The following C5 variants were observed in gnomAD, a reference collection of about 807,000 sequenced individuals.
C5 encodes the protein complement C5.
In C5, 140 loss-of-function variants were observed where a neutral mutation model predicts 218.8. That is an observed-to-expected ratio of 0.64 (90% CI 0.56 to 0.74). C5 has a LOEUF of 0.74. Among genes scored for constraint, C5 ranks in the 30% least tolerant of loss-of-function variants. The pLI is 0.00. For synonymous variants in C5, 614 were observed against 682.3 expected, an observed-to-expected ratio of 0.90 and a Z score of 1.56; for missense variants, 1,700 against 1,969.6, an observed-to-expected ratio of 0.86 and a Z score of 2.59.
chr9:121,040,767 A>G (rs1236617600), intron 3 of C5, among the ~76,000 whole-genome samples: 1 of 152,162 alleles, frequency 6.6e-6, no homozygotes, highest in East Asian at 1.9e-4. Context: ...TGATTCACAC[A>G]GGGTCATACA....
intron 8 of C5, 161 bp from the exon 9 acceptor site, chr9:121,025,741 G>C (rs2047416425): frequency 1.6e-6 from 1 of 620,206 alleles, no homozygotes; most frequent in Non-Finnish European, 2.8e-6. Context: ...TTAAGCCCAG[G>C]ATGTTATTTT....
At chr9:121,022,188 A>C (rs577383846) in intron 10 of C5, among the ~76,000 whole-genome samples, 24 of 152,268 alleles carry the variant, frequency 1.6e-4, no homozygotes, top group African/African-American at 5.3e-4. Context: ...TGATTGGTTT[A>C]GGACTGGATA....
At chr9:121,025,433 C>CACACACAA (rs1186119134) in intron 9 of C5, 21 bp downstream of exon 9, 1 of 1,598,422 alleles carries the variant, frequency 6.3e-7, no homozygotes. Context: ...CACACACACA[C>CACACACAA]ACACACACAC....
intron 29 of C5, among the ~76,000 whole-genome samples, chr9:120,975,312 G>A (rs1451236218): frequency 1.3e-5 from 2 of 152,118 alleles, no homozygotes. Flanking sequence ...GTTATTCTCT[G>A]TTTTAAGGTT....
chr9:121,025,888 G>A lies in C5; in HGVS notation c.874-308C>T, dbSNP rs577120099. On this transcript the variant is annotated intron_variant, in intron 8 of 40. Transcript: ENST00000223642. Reference sequence around the variant, plus strand: ...CATTCATCTTTATAGGCCTCTCAGCGTACTTCCGCCCTTAACTGAGAGTTT... The same window carrying A: ...CATTCATCTTTATAGGCCTCTCAGCATACTTCCGCCCTTAACTGAGAGTTT... 1.2e-3 allele frequency: 330 copies of A among 268,064 alleles called. 5 individuals carry two copies. Among genetic ancestry groups the A allele is most frequent in the Non-Finnish European group, 6.4e-4 (88 of 137,508 alleles). The allele number at this position is 268,064 out of a possible 1,614,324, so 16.6% of individuals were successfully genotyped here.
At chr9:121,037,488 AT>A (rs1369551886) in intron 4 of C5, among the ~76,000 whole-genome samples, 2 of 151,332 alleles carry the variant, frequency 1.3e-5, no homozygotes, top group African/African-American at 4.9e-5. Context: ...AATTTTTTGT[AT>A]TTTAGTAGAG....
Position 121,006,032 on chromosome 9 carries a change from C to T in C5, c.2449G>A (p.Ala817Thr), listed in dbSNP as rs1330198240. Residue 817 changes from alanine to threonine, a missense_variant, in exon 20 of 41, where the codon GCA (alanine) becomes ACA (threonine). Transcript: ENST00000223642. Reference sequence around the variant, plus strand: ...AGGAAGACATCTTTGAACACCTTTGCCTTGACAGTATCAGCAACACATATA... The same window carrying T: ...AGGAAGACATCTTTGAACACCTTTGTCTTGACAGTATCAGCAACACATATA... Reference protein sequence around the residue: ...TGICVADTVKAKVFKDVFLEM... With the variant: ...TGICVADTVKTKVFKDVFLEM... The T allele has an allele frequency of 1.2e-6, 2 of 1,613,610 alleles. No homozygotes were observed. The highest frequency in any genetic ancestry group is 1.3e-5 in the African/African-American group (1 of 74,892).
chr9:120,963,720 T>G lies in C5; in HGVS notation c.4239A>C (p.Glu1413Asp). 1.2e-6 allele frequency: 2 copies of G among 1,613,088 alleles called. No individual in the cohort carries two copies. The highest frequency in any genetic ancestry group is 1.7e-6 in the Non-Finnish European group (2 of 1,179,110). Residue 1413 changes from glutamate (E) to aspartate (D), a missense_variant, in exon 34 of 41, where the codon GAA becomes GAC. Transcript: ENST00000223642. ...CATGAGAGGATCCAGATGATGATTC[T>G]TCCCTGCTGGGCTTGTAGCTAAAAT... ...VACASYKPSR[E>D]ESSSGSSHAV...
chr9:121,017,991 AC>A (rs1399759399), intron 12 of C5, 139 bp from the exon 13 acceptor site: 2 of 649,152 alleles, frequency 3.1e-6, no homozygotes, highest in African/African-American at 3.6e-5. Flanking sequence ...AGTGGCTCAC[AC>A]CTGTAATCCT....
At chr9:121,052,886 ACT>A (rs2047679580), upstream of C5, among the ~76,000 whole-genome samples, 1 of 151,994 alleles carries the variant, frequency 6.6e-6, no homozygotes, top group Admixed American at 6.6e-5. Flanking sequence ...AAACTACAGA[ACT>A]CTTTTTTATG....
chr9:121,002,236 A>ATG (rs1491163228), intron 20 of C5, among the ~76,000 whole-genome samples: 1 of 55,038 alleles, frequency 1.8e-5, no homozygotes, highest in Non-Finnish European at 4.4e-5. Context: ...ATATGTATAT[A>ATG]TGTATATGTA....
In C5 at chr9:121,013,318, G is replaced by GGAAAAAAAAAA. The variant is rs775252391; in HGVS notation, c.2257+554_2257+555insTTTTTTTTTTC. On this transcript the variant is annotated intron_variant, in intron 17 of 40. Transcript: ENST00000223642. ...TGGGTGACAGAGCCAGATTCCTACT[G>GGAAAAAAAAAA]AAAAAAAAAAAAAAAAAGACTATAT... Among the ~76,000 whole-genome samples the GGAAAAAAAAAA allele has an allele frequency of 3.0e-5, 3 of 99,252 alleles. 1 individual carries two copies. The highest frequency in any genetic ancestry group is 7.0e-5 in the African/African-American group (2 of 28,456). The allele number at this position is 99,252 out of a possible 152,430, so 65.1% of individuals were successfully genotyped here. A position where few individuals can be genotyped will look rare whatever the true frequency, so the allele number is the denominator to read the frequency against.
chr9:121,021,433 G>T, intron 11 of C5, 76 bp downstream of exon 11: 3 of 1,215,576 alleles, frequency 2.5e-6, no homozygotes, highest in Non-Finnish European at 3.7e-6. Flanking sequence ...TGCCGCATCT[G>T]TTCTGCACAC....
intron 17 of C5, among the ~76,000 whole-genome samples, chr9:121,008,873 T>A (rs531907133): frequency 2.6e-5 from 4 of 152,210 alleles, no homozygotes; most frequent in Non-Finnish European, 5.9e-5. Context: ...GAGGTTGCAG[T>A]GAGCCGAGAT....
At chr9:120,956,305 T>A (rs12380237) in intron 39 of C5, among the ~76,000 whole-genome samples, 8,252 of 150,250 alleles carry the variant, frequency 0.055, 655 homozygotes, top group African/African-American at 0.18. Flanking sequence ...AAAAAAAAAA[T>A]GTAATCCCAT....
intron 27 of C5, among the ~76,000 whole-genome samples, chr9:120,980,630 G>A (rs2046985557): frequency 6.6e-6 from 1 of 151,466 alleles, no homozygotes; most frequent in Non-Finnish European, 1.5e-5. Flanking sequence ...TCGCTCTGTC[G>A]CCCAGGCTGG....
At chr9:121,044,641 A>C (rs1325605542) in intron 2 of C5, among the ~76,000 whole-genome samples, 1 of 152,264 alleles carries the variant, frequency 6.6e-6, no homozygotes, top group Non-Finnish European at 1.5e-5. Context: ...TGATATTGCT[A>C]TGATAAAATT....
intron 3 of C5, among the ~76,000 whole-genome samples, 199 bp from the exon 4 acceptor site, chr9:121,038,150 T>C (rs980276759): frequency 1.1e-4 from 17 of 152,190 alleles, no homozygotes; most frequent in African/African-American, 3.9e-4. Flanking sequence ...TCCTCAGGGA[T>C]TCCTTTAAAG....
chr9:121,074,570 A>T, the C5 span, among the ~76,000 whole-genome samples: 3 of 152,208 alleles, frequency 2.0e-5, no homozygotes, highest in Non-Finnish European at 2.9e-5. Context: ...CAAGCATCAG[A>T]AGTGGGGGAG....
Sources: allele counts gnomAD v4.1 joint callset (sites outside exome capture counted in the v4.1 genomes callset), GRCh38; gene constraint gnomAD v4.1.1; transcripts MANE v1.5; gene names NCBI Gene and HGNC (gene_info 2026-07-23, HGNC 2026-07-21).